Variants in TTC39C observed in about 807,000 individuals in gnomAD.
TTC39C encodes the protein tetratricopeptide repeat domain 39C, also known as tetratricopeptide repeat protein 39C.
Under a neutral mutation model 76.3 loss-of-function variants are expected in TTC39C, and 33 were observed. The observed-to-expected ratio is 0.43, with a 90% CI of 0.33 to 0.58. The LOEUF (loss-of-function observed/expected upper bound fraction) is 0.58, where lower values mean the gene tolerates loss of function less well. Among genes scored for constraint, TTC39C ranks in the 20% least tolerant of loss-of-function variants. The probability of loss-of-function intolerance (pLI) is 0.04; values close to 1 mark genes in which losing one functional copy is unlikely to be tolerated. For missense variants in TTC39C, 595 were observed against 701.4 expected (o/e 0.85, Z 1.71); for synonymous variants, 254 against 260.6 (o/e 0.97, Z 0.24).
intron 11 of TTC39C, among the ~76,000 whole-genome samples, chr18:24,129,446 A>C (rs1453493764): frequency 6.6e-6 from 1 of 152,136 alleles, no homozygotes; most frequent in East Asian, 1.9e-4. Flanking sequence ...GAAGAAGTAT[A>C]TATCAGTGTT....
intron 1 of TTC39C, chr18:24,020,273 A>G: frequency 5.0e-6 from 5 of 1,005,754 alleles, no homozygotes; most frequent in Non-Finnish European, 5.9e-6. Flanking sequence ...CTAATTAAAT[A>G]TTCATTAAAG....
At chr18:24,118,300 T>G (rs1194767431) in intron 8 of TTC39C, 68 bp downstream of exon 8, 20 of 1,280,390 alleles carry the variant, frequency 1.6e-5, no homozygotes, top group Non-Finnish European at 2.0e-5. Flanking sequence ...CGTGGGCAGA[T>G]GGGAGAATGA....
intron 1 of TTC39C, 78 bp from the exon 2 acceptor site, chr18:24,064,062 T>G (rs1568424025): frequency 6.3e-7 from 1 of 1,578,196 alleles, no homozygotes; most frequent in East Asian, 2.3e-5. Flanking sequence ...GTAATCATGA[T>G]ATGTCAAATG....
intron 8 of TTC39C, among the ~76,000 whole-genome samples, chr18:24,120,730 T>C (rs186514924): frequency 6.6e-6 from 1 of 152,320 alleles, no homozygotes; most frequent in East Asian, 1.9e-4. Context: ...TTACCACGCT[T>C]CTACTTCCTG....
chr18:24,029,579 A>G (rs8096209), intron 1 of TTC39C, among the ~76,000 whole-genome samples: 143,714 of 152,214 alleles, frequency 0.94, 68,244 homozygotes, highest in East Asian at 1. Context: ...TTTAGTGGTG[A>G]TTCCTGAGAT....
intron 6 of TTC39C, among the ~76,000 whole-genome samples, chr18:24,090,866 G>A (rs1173859829): frequency 1.4e-5 from 2 of 142,658 alleles, no homozygotes; most frequent in Admixed American, 7.2e-5. Flanking sequence ...GAGTGCAGTG[G>A]CATGATCTCA....
At chr18:24,048,761 G>A (rs964476445) in intron 1 of TTC39C, among the ~76,000 whole-genome samples, 3 of 152,178 alleles carry the variant, frequency 2.0e-5, no homozygotes, top group Non-Finnish European at 4.4e-5. Flanking sequence ...AAGTAGCAGC[G>A]ATTGCTGTTT....
chr18:24,023,830 G>A (rs200738021), intron 1 of TTC39C, among the ~76,000 whole-genome samples: 1 of 1,158 alleles, frequency 8.6e-4, no homozygotes, highest in African/African-American at 9.0e-4. Flanking sequence ...CCCCTTTTAT[G>A]ATTGTAATTC....
In TTC39C at chr18:24,080,623, A is replaced by C; in HGVS notation, c.499A>C (p.Lys167Gln). ...KGGWILRKAW[K>Q]IYNKCYLDIN... The stretch of plus-strand genomic sequence containing the variant: ...TGGGTGGATCCTTAGGAAAGCCTGG[A>C]AGATTTACAATAAATGCTATCTGGA... The change falls in exon 5 of 14, where the codon AAG becomes CAG. Residue 167 changes from lysine (K) to glutamine (Q), a missense_variant. Lys to Gln is a moderately conservative substitution (Grantham distance 53, BLOSUM62 1). Coordinates refer to ENST00000317571, the MANE Select transcript of TTC39C (RefSeq NM_001135993.2). 1.2e-6 allele frequency: 2 copies of C among 1,612,732 alleles called. No homozygotes were observed. Among genetic ancestry groups the C allele is most frequent in the Non-Finnish European group, 1.7e-6 (2 of 1,179,272 alleles).
intron 6 of TTC39C, among the ~76,000 whole-genome samples, chr18:24,110,005 T>G (rs1426423771): frequency 1.3e-5 from 2 of 152,108 alleles, no homozygotes; most frequent in Non-Finnish European, 2.9e-5. Flanking sequence ...AGTAAGACTC[T>G]GTCTCAAAAA....
At chr18:24,055,521 T>C (rs932182937) in intron 1 of TTC39C, among the ~76,000 whole-genome samples, 1 of 152,220 alleles carries the variant, frequency 6.6e-6, no homozygotes, top group African/African-American at 2.4e-5. Flanking sequence ...TATATAGCCA[T>C]TTGTATATCT....
chr18:24,089,285 A>G (rs922791860), intron 6 of TTC39C, among the ~76,000 whole-genome samples: 9 of 152,150 alleles, frequency 5.9e-5, no homozygotes, highest in African/African-American at 2.2e-4. Flanking sequence ...TTGTATTTGG[A>G]ACAGCATGCC....
In TTC39C at chr18:24,019,929, G is replaced by C. The variant is rs1211682929; in HGVS notation, c.167+4891G>C. The C allele has an allele frequency of 5.9e-6, 9 of 1,519,572 alleles. No homozygotes were observed. The Admixed American group carries it at 6.6e-5, about 11-fold the overall frequency. 94.1% of individuals were successfully genotyped at this position (1,519,572 alleles called of 1,614,324 possible). A position where few individuals can be genotyped will look rare whatever the true frequency, so the allele number is the denominator to read the frequency against. On this transcript the variant is annotated intron_variant, in intron 1 of 13. Transcript: ENST00000317571. ...AAACTCAAAGGCGCTTGTAAGAGAT[G>C]TTGAGTCAGCAGGCCTCTGAGCCTC...
chr18:24,048,375 A>C (rs7240643), intron 1 of TTC39C, among the ~76,000 whole-genome samples: 14,866 of 152,258 alleles, frequency 0.098, 803 homozygotes, highest in East Asian at 0.14. Context: ...TGATTTTGTT[A>C]AAATTTAAAT....
At chr18:24,058,426 A>G (rs2084045003) in intron 1 of TTC39C, among the ~76,000 whole-genome samples, 1 of 152,194 alleles carries the variant, frequency 6.6e-6, no homozygotes, top group South Asian at 2.1e-4. Flanking sequence ...AGGCAGAGGC[A>G]GGTGGATCAC....
At chr18:24,065,346 C>A (rs1264594194) in intron 2 of TTC39C, among the ~76,000 whole-genome samples, 2 of 152,204 alleles carry the variant, frequency 1.3e-5, no homozygotes, top group African/African-American at 4.8e-5. Context: ...TCTGTCTCTG[C>A]CCCTGTAAGC....
intron 1 of TTC39C, among the ~76,000 whole-genome samples, chr18:24,047,524 T>A (rs1365010915): frequency 6.6e-6 from 1 of 152,252 alleles, no homozygotes; most frequent in Non-Finnish European, 1.5e-5. Context: ...GATGTCATTC[T>A]TAGACTATTG....
chr18:24,021,527 T>C (rs1568407483), intron 1 of TTC39C, among the ~76,000 whole-genome samples: 1 of 150,566 alleles, frequency 6.6e-6, no homozygotes, highest in Non-Finnish European at 1.5e-5. Context: ...GTTTTGCTTT[T>C]TTTCTTTCCT....
intron 8 of TTC39C, among the ~76,000 whole-genome samples, chr18:24,123,144 C>A (rs1036737306): frequency 5.3e-5 from 8 of 152,154 alleles, no homozygotes; most frequent in Non-Finnish European, 7.3e-5. Context: ...TTTCATGATC[C>A]TCGGGGCTCT....
Sources: gnomAD v4.1 joint callset for allele counts (sites outside exome capture counted in the v4.1 genomes callset) on GRCh38, gnomAD v4.1.1 for gene constraint, MANE v1.5 for transcripts, NCBI Gene and HGNC (gene_info 2026-07-23, HGNC 2026-07-21) for gene names.